FZD4: variants seen among roughly 807,000 people sequenced by gnomAD.
The protein encoded by FZD4 is frizzled-4.
Under a neutral mutation model 37.3 loss-of-function variants are expected in FZD4, and 16 were observed. The ratio of observed to expected loss-of-function variants is 0.43; its 90% CI spans 0.29 to 0.65. FZD4 has a LOEUF of 0.65. FZD4 is among the 30% of genes least tolerant of loss of function. The pLI is 0.16. For missense variants in FZD4, 599 were observed against 674.3 expected (o/e 0.89, Z 1.24); for synonymous variants, 246 against 254.8 (o/e 0.97, Z 0.33).
At position 86,951,500 on chromosome 11, in the gene FZD4, T is replaced by G; in HGVS notation, c.1256A>C (p.Asn419Thr). 1 of 1,614,126 alleles carries G rather than the reference T, an allele frequency of 6.2e-7. No individual in the cohort carries two copies. Among genetic ancestry groups the G allele is most frequent in the Non-Finnish European group, 8.5e-7 (1 of 1,180,030 alleles). Residue 419 changes from asparagine to threonine, a missense_variant, in exon 2 of 2, where the codon AAT becomes ACT. Asn to Thr is a moderately conservative substitution (Grantham distance 65). Around this residue, in one of 3 missense-constraint regions of FZD4, gnomAD observed 203 missense variants for 196.8 expected, o/e 1.03. Coordinates refer to ENST00000531380, the MANE Select transcript of FZD4 (RefSeq NM_012193.4). ...TGTCTTTGTCCCATCCTTTTGAAGATTTGACCGAATTTTGAACAAGGCCAC... is the reference window on the plus strand; with the variant it reads ...TGTCTTTGTCCCATCCTTTTGAAGAGTTGACCGAATTTTGAACAAGGCCAC... ...GLVALFKIRS[N>T]LQKDGTKTDK...
rs1421197441 is a variant in FZD4, at chr11:86,948,007, C to A, written c.*3135G>T. The A allele has an allele frequency of 6.6e-6, 1 of 152,244 alleles. No individual in the cohort carries two copies. The highest frequency in any genetic ancestry group is 1.9e-4 in the East Asian group (1 of 5,196). The allele number at this position is 152,244 out of a possible 1,614,324, so 9.4% of individuals were successfully genotyped here. On this transcript the variant is annotated 3_prime_UTR_variant, in exon 2 of 2. Transcript: ENST00000531380. ...AATACCCCAAGCCCTGAATTGCCGG[C>A]AAAGCCAAAGCAGATGTGTGGGCCC...
intron 1 of FZD4, 64 bp downstream of exon 1, chr11:86,954,737 C>A: frequency 1.3e-6 from 2 of 1,532,176 alleles, no homozygotes; most frequent in Non-Finnish European, 8.8e-7. Context: ...ATGGGCTCTG[C>A]AAAGTTAGTT....
chr11:86,952,106 T>G lies in FZD4; in HGVS notation c.650A>C (p.Glu217Ala). The change falls in exon 2 of 2, where the codon GAG (glutamate) becomes GCG (alanine). Residue 217 changes from glutamate (E) to alanine (A), a missense_variant. Coordinates refer to ENST00000531380, the MANE Select transcript of FZD4 (RefSeq NM_012193.4). ...DAGLYSRSAK[E>A]FTDIWMAVWA... ...CACAGCCATCCAGATATCAGTGAACTCCTTGGCTGAGCGGCTGTATAAGCC... is the reference window on the plus strand; with the variant it reads ...CACAGCCATCCAGATATCAGTGAACGCCTTGGCTGAGCGGCTGTATAAGCC... 1 of 1,614,028 alleles carries G rather than the reference T, an allele frequency of 6.2e-7. No homozygotes were observed. Among genetic ancestry groups the G allele is most frequent in the East Asian group, 2.2e-5 (1 of 44,874 alleles).
In FZD4 at chr11:86,948,401, T is replaced by A. The variant is rs1053685100; in HGVS notation, c.*2741A>T. 6.6e-6 allele frequency: 1 copy of A among 152,162 alleles called. No individual in the cohort carries two copies. The highest frequency in any genetic ancestry group is 1.5e-5 in the Non-Finnish European group (1 of 68,026). 9.4% of individuals were successfully genotyped at this position (152,162 alleles called of 1,614,324 possible). On this transcript the variant is annotated 3_prime_UTR_variant, in exon 2 of 2. Coordinates refer to ENST00000531380, the MANE Select transcript of FZD4 (RefSeq NM_012193.4). ...CAATAAATAAAATAACTGATTTTTT[T>A]AACAAATACCGATTTAAGAAGTGAT... is the stretch of plus-strand genomic sequence containing the variant.
In FZD4 at chr11:86,951,416, G is replaced by A. The variant is rs1378438998; in HGVS notation, c.1340C>T (p.Pro447Leu). The A allele has an allele frequency of 6.2e-7, 1 of 1,612,360 alleles. No homozygotes were observed. The highest frequency in any genetic ancestry group is 8.5e-7 in the Non-Finnish European group (1 of 1,178,344). The change falls in exon 2 of 2, where the codon CCT becomes CTT. Residue 447 changes from proline to leucine, a missense_variant. Pro to Leu is a moderately conservative substitution (Grantham distance 98). This residue lies in a region of FZD4 where 203 missense variants were observed against 196.8 expected (regional missense o/e 1.03). Transcript: ENST00000531380. ...IGVFSVLYTVPATCVIACYFY... is the reference protein window; with the variant it reads ...IGVFSVLYTVLATCVIACYFY... ...ATAACAGGCAATCACACACGTTGCA[G>A]GAACTGTGTACAGTACTGAGAACAC...
chr11:86,949,829 GCC>G lies in FZD4; in HGVS notation c.*1311_*1312del, dbSNP rs1486724581. On this transcript the variant is annotated 3_prime_UTR_variant, in exon 2 of 2. Transcript: ENST00000531380. ...ATTAAGCACCATATAAATACTCCAG[GCC>G]ACACTGCCTCCAGTGAAATCTTACA... 3 of 152,614 alleles carry G rather than the reference GCC, an allele frequency of 2.0e-5. No homozygotes were observed. Among genetic ancestry groups the G allele is most frequent in the African/African-American group, 7.2e-5 (3 of 41,444 alleles). 9.5% of individuals were successfully genotyped at this position (152,614 alleles called of 1,614,324 possible). A position where few individuals can be genotyped will look rare whatever the true frequency, so the allele number is the denominator to read the frequency against.
chr11:86,955,294 G>A lies in FZD4; in HGVS notation c.-209C>T. On this transcript the variant is annotated 5_prime_UTR_variant, in exon 1 of 2. Coordinates refer to ENST00000531380, the MANE Select transcript of FZD4 (RefSeq NM_012193.4). ...CCGGGCCGAGGCCGAGGGACAGGCTGCGAGGGTCATGGCTGCAGGCGGCGA... is the reference window on the plus strand; with the variant it reads ...CCGGGCCGAGGCCGAGGGACAGGCTACGAGGGTCATGGCTGCAGGCGGCGA... 2.2e-6 allele frequency: 1 copy of A among 459,428 alleles called. No homozygotes were observed. Among genetic ancestry groups the A allele is most frequent in the Non-Finnish European group, 3.8e-6 (1 of 265,490 alleles). The allele number at this position is 459,428 out of a possible 1,614,324, so 28.5% of individuals were successfully genotyped here.
rs148616777 is a variant in FZD4 at position 86,948,692 on chromosome 11, A to G, written c.*2450T>C. 1 of 152,364 alleles carries G rather than the reference A, an allele frequency of 6.6e-6. No homozygotes were observed. The highest frequency in any genetic ancestry group is 1.5e-5 in the Non-Finnish European group (1 of 68,036). The allele number at this position is 152,364 out of a possible 1,614,324, so 9.4% of individuals were successfully genotyped here. ...CAAAACTCAGAAATCAGGTGCCCAG[A>G]TTCACCCAAGTGCTCTTTTATTGTT... On this transcript the variant is annotated 3_prime_UTR_variant, in exon 2 of 2. Coordinates refer to ENST00000531380, the MANE Select transcript of FZD4 (RefSeq NM_012193.4).
chr11:86,955,231 C>T lies in FZD4; in HGVS notation c.-146G>A, dbSNP rs1949326793. The T allele has an allele frequency of 6.9e-6, 4 of 581,958 alleles. No homozygotes were observed. Among genetic ancestry groups the T allele is most frequent in the Non-Finnish European group, 1.1e-5 (4 of 359,624 alleles). The allele number at this position is 581,958 out of a possible 1,614,324, so 36.0% of individuals were successfully genotyped here. A position where few individuals can be genotyped will look rare whatever the true frequency, so the allele number is the denominator to read the frequency against. On this transcript the variant is annotated 5_prime_UTR_variant, in exon 1 of 2. Coordinates refer to ENST00000531380, the MANE Select transcript of FZD4 (RefSeq NM_012193.4). The stretch of plus-strand genomic sequence containing the variant: ...CGACGAGGGGGCAGCGGCCGGCTCT[C>T]CAGCAGCTGCGCGCGACTGTGTGGG...
In FZD4 at chr11:86,954,365, G is replaced by T. The variant is rs1042703796; in HGVS notation, c.285+436C>A. On this transcript the variant is annotated intron_variant, in intron 1 of 1. Transcript: ENST00000531380. ...GGGCTATTCAGCAGAAAAAGGTGCA[G>T]TAGTGTTTCATTTAATAACACCCCA... 1.5e-5 allele frequency: 15 copies of T among 985,186 alleles called. No individual in the cohort carries two copies. The African/African-American group carries it at 2.4e-4, about 16-fold the overall frequency. 61.0% of individuals were successfully genotyped at this position (985,186 alleles called of 1,614,324 possible).
chr11:86,951,507 G>T lies in FZD4; in HGVS notation c.1249C>A (p.Arg417=). ...AAGLVALFKI[R]SNLQKDGTKT... ...GTCCCATCCTTTTGAAGATTTGACC[G>T]AATTTTGAACAAGGCCACCAAACCT... Residue 417 remains arginine (R), a synonymous_variant, in exon 2 of 2, where the codon CGG becomes AGG. Transcript: ENST00000531380. 1 of 1,614,098 alleles carries T rather than the reference G, an allele frequency of 6.2e-7. No homozygotes were observed. The highest frequency in any genetic ancestry group is 1.3e-5 in the African/African-American group (1 of 75,010).
In FZD4 at chr11:86,951,159, T is replaced by C. The variant is rs574398264; in HGVS notation, c.1597A>G (p.Ser533Gly). Reference sequence around the variant, plus strand: ...GACTAGCCTTATACCACAGTCTCACTGCCTTTTCCAGGCTTCACCCAACCA... The same window carrying C: ...GACTAGCCTTATACCACAGTCTCACCGCCTTTTCCAGGCTTCACCCAACCA... Reference protein sequence around the residue: ...GNGWVKPGKGSETVV With the variant: ...GNGWVKPGKGGETVV The change falls in exon 2 of 2, where the codon AGT (serine) becomes GGT (glycine). Residue 533 changes from serine (S) to glycine (G), a missense_variant. Ser to Gly is a moderately conservative substitution (Grantham distance 56, BLOSUM62 0). This residue lies in a region of FZD4 where 203 missense variants were observed against 196.8 expected (regional missense o/e 1.03). Coordinates refer to ENST00000531380, the MANE Select transcript of FZD4 (RefSeq NM_012193.4). The C allele has an allele frequency of 6.2e-7, 1 of 1,614,110 alleles. No homozygotes were observed. The highest frequency in any genetic ancestry group is 8.5e-7 in the Non-Finnish European group (1 of 1,179,934).
intron 1 of FZD4, chr11:86,954,356 A>G (rs942488719): frequency 2.0e-6 from 2 of 985,268 alleles, no homozygotes; most frequent in African/African-American, 1.7e-5. Context: ...TTCAGCAGAA[A>G]AAGGTGCAGT....
rs200205053 is a variant in FZD4, at chr11:86,951,102, C to T, written c.*40G>A. 6.2e-7 allele frequency: 1 copy of T among 1,601,740 alleles called. No individual in the cohort carries two copies. On this transcript the variant is annotated 3_prime_UTR_variant, in exon 2 of 2. Transcript: ENST00000531380. ...GAATTTCCTCCAAAATGCTGGCATT[C>T]CCCCCTTCAAAATGAAGAAAGCATG... is the stretch of plus-strand genomic sequence containing the variant.
chr11:86,946,352 T>A lies in FZD4; in HGVS notation c.*4790A>T, dbSNP rs1949242524. ...TGAATATTGTAGGAGAGCAAGGAGGTTTAAAAGCTTTGAGGACATGGCTCA... is the reference window on the plus strand; with the variant it reads ...TGAATATTGTAGGAGAGCAAGGAGGATTAAAAGCTTTGAGGACATGGCTCA... On this transcript the variant is annotated 3_prime_UTR_variant, in exon 2 of 2. Transcript: ENST00000531380. 6.6e-6 allele frequency: 1 copy of A among 151,622 alleles called. No homozygotes were observed. The highest frequency in any genetic ancestry group is 2.4e-5 in the African/African-American group (1 of 41,200). 9.4% of individuals were successfully genotyped at this position (151,622 alleles called of 1,614,324 possible).
intron 1 of FZD4, chr11:86,954,487 G>A: frequency 1.0e-6 from 1 of 985,338 alleles, no homozygotes; most frequent in East Asian, 1.1e-4. Context: ...CGCCCACCGA[G>A]CAGTGGCGGC....
In FZD4 at chr11:86,949,494, GA is replaced by G. The variant is rs762117507; in HGVS notation, c.*1647del. On this transcript the variant is annotated 3_prime_UTR_variant, in exon 2 of 2. Coordinates refer to ENST00000531380, the MANE Select transcript of FZD4 (RefSeq NM_012193.4). ...TAAATGTCATTGCAAAGCAGTTGCT[GA>G]AGCAGACAGGTATGAGTTACAAGGA... The G allele has an allele frequency of 3.4e-4, 52 of 151,910 alleles. No homozygotes were observed. Among genetic ancestry groups the G allele is most frequent in the Non-Finnish European group, 5.6e-4 (38 of 68,008 alleles). 9.4% of individuals were successfully genotyped at this position (151,910 alleles called of 1,614,324 possible). A position where few individuals can be genotyped will look rare whatever the true frequency, so the allele number is the denominator to read the frequency against.
In FZD4 at chr11:86,951,135, A is replaced by G; in HGVS notation, c.*7T>C. 1.2e-6 allele frequency: 2 copies of G among 1,613,610 alleles called. No homozygotes were observed. The highest frequency in any genetic ancestry group is 1.7e-5 in the Admixed American group (1 of 60,034). On this transcript the variant is annotated 3_prime_UTR_variant, in exon 2 of 2. Coordinates refer to ENST00000531380, the MANE Select transcript of FZD4 (RefSeq NM_012193.4). ...CAAAATGAAGAAAGCATGGAGGCTG[A>G]CTAGCCTTATACCACAGTCTCACTG...
chr11:86,955,350 C>A lies in FZD4; in HGVS notation c.-265G>T. On this transcript the variant is annotated 5_prime_UTR_variant, in exon 1 of 2. Transcript: ENST00000531380. ...CAAGCCGGCGCCGGCCGCGTCCGTT[C>A]GGCGTCTCCGCGAGGCCAGCCAGCA... 1 of 360,798 alleles carries A rather than the reference C, an allele frequency of 2.8e-6. No homozygotes were observed. The highest frequency in any genetic ancestry group is 4.9e-6 in the Non-Finnish European group (1 of 202,542). 22.3% of individuals were successfully genotyped at this position (360,798 alleles called of 1,614,324 possible).
Sources: gnomAD v4.1 joint callset for allele counts on GRCh38, gnomAD v4.1.1 for gene constraint, gnomAD v4.1.1 regional missense constraint, MANE v1.5 for transcripts, NCBI Gene and HGNC (gene_info 2026-07-23, HGNC 2026-07-21) for gene names.